RNF6: variants seen among roughly 807,000 people sequenced by gnomAD.
The protein encoded by RNF6 is ring finger protein 6.
In RNF6, 21 loss-of-function variants were observed where a neutral mutation model predicts 50.1. That is an observed-to-expected ratio of 0.42 (90% CI 0.30 to 0.60). The LOEUF (loss-of-function observed/expected upper bound fraction) is 0.60, where lower values mean the gene tolerates loss of function less well. Ranked by LOEUF, RNF6 falls within the 20% of genes least tolerant of loss-of-function variation. The pLI is 0.20. For synonymous variants in RNF6, 255 were observed against 291.8 expected, an observed-to-expected ratio of 0.87 and a Z score of 1.29; for missense variants, 698 against 838.2, an observed-to-expected ratio of 0.83 and a Z score of 2.07.
At chr13:26,135,736 T>G (rs901979408) in intron 5 of RNF6, 2 of 152,222 alleles carry the variant, frequency 1.3e-5, no homozygotes, top group Admixed American at 1.3e-4. Flanking sequence ...CCACCAATGT[T>G]GGTGGTAGGC....
At chr13:26,218,121 A>G (rs945029087) in intron 4 of RNF6, among the ~76,000 whole-genome samples, 1 of 152,216 alleles carries the variant, frequency 6.6e-6, no homozygotes, top group Non-Finnish European at 1.5e-5. Context: ...AAACCATCAA[A>G]CAGAACAAAG....
At chr13:26,152,373 G>A (rs1265254764) in intron 5 of RNF6, among the ~76,000 whole-genome samples, 5 of 152,146 alleles carry the variant, frequency 3.3e-5, no homozygotes, top group East Asian at 1.9e-4. Flanking sequence ...TTGGTCCATC[G>A]GATTACGTTT....
At chr13:26,172,042 T>A (rs12857368) in intron 5 of RNF6, among the ~76,000 whole-genome samples, 113,283 of 152,144 alleles carry the variant, frequency 0.74, 42,450 homozygotes, top group East Asian at 0.8. Flanking sequence ...TAGTATATTT[T>A]AAAATGATTA....
chr13:26,185,889 C>T (rs562083461), intron 5 of RNF6, among the ~76,000 whole-genome samples: 95 of 152,270 alleles, frequency 6.2e-4, no homozygotes, highest in African/African-American at 2.1e-3. Context: ...TCCTTCCTCC[C>T]TCACATTCAA....
In RNF6 at chr13:26,168,336, A is replaced by G. The variant is rs189745451; in HGVS notation, n.769-35885T>C. On this transcript the variant is annotated intron_variant and non_coding_transcript_variant, in intron 5 of 5. Coordinates refer to the RNF6 transcript ENST00000468480. ...GAGAGCAGAGCCCACTCAGGCAGAC[A>G]GGCCCTTCTGCGTGAGATAAAAACA... Among the ~76,000 whole-genome samples the G allele has an allele frequency of 2.6e-5, 4 of 152,358 alleles. No homozygotes were observed. In the South Asian group the frequency reaches 8.3e-4, roughly 32 times the overall value.
chr13:26,170,454 G>A (rs1009839145), intron 5 of RNF6, among the ~76,000 whole-genome samples: 1 of 150,674 alleles, frequency 6.6e-6, no homozygotes, highest in African/African-American at 2.4e-5. Flanking sequence ...TCCGTTTTGT[G>A]CAGCTATTTC....
chr13:26,204,098 T>C (rs1869001612), intron 5 of RNF6, among the ~76,000 whole-genome samples: 1 of 152,166 alleles, frequency 6.6e-6, no homozygotes, highest in South Asian at 2.1e-4. Context: ...TCCCTCCGCC[T>C]TTATCGTCAA....
chr13:26,133,277 A>T (rs1870482985), intron 5 of RNF6, among the ~76,000 whole-genome samples: 2 of 152,138 alleles, frequency 1.3e-5, no homozygotes. Flanking sequence ...ATTTTCTGAA[A>T]TTTATTTTCA....
At chr13:26,165,720 G>A (rs1040227890) in intron 5 of RNF6, among the ~76,000 whole-genome samples, 1 of 152,190 alleles carries the variant, frequency 6.6e-6, no homozygotes, top group African/African-American at 2.4e-5. Context: ...GGACTTGCAT[G>A]GGGCCTGTAG....
chr13:26,191,467 A>C (rs757269516), intron 5 of RNF6, among the ~76,000 whole-genome samples: 11 of 152,128 alleles, frequency 7.2e-5, no homozygotes, highest in Admixed American at 1.3e-4. Flanking sequence ...CCCAAATCTC[A>C]TCTCAAATTG....
At chr13:26,216,446 T>TATCTAGTATAA (rs1408536925) in intron 4 of RNF6, among the ~76,000 whole-genome samples, 1 of 152,170 alleles carries the variant, frequency 6.6e-6, no homozygotes, top group Non-Finnish European at 1.5e-5. Context: ...TCTACAGCAG[T>TATCTAGTATAA]ATCTAGTATA....
In RNF6 at chr13:26,215,098, A is replaced by C. The variant is rs778176510; in HGVS notation, c.784T>G (p.Ser262Ala). ...RTNFSSHTNQ[S>A]GGSELRQREG... ...CTTTGCCTGAGTTCACTACCACCTGATTGGTTTGTGTGACTACTGAAATTA... is the reference window on the plus strand; with the variant it reads ...CTTTGCCTGAGTTCACTACCACCTGCTTGGTTTGTGTGACTACTGAAATTA... Residue 262 changes from serine to alanine, a missense_variant, in exon 5 of 5, where the codon TCA becomes GCA. Transcript: ENST00000381588. 1 of 1,613,978 alleles carries C rather than the reference A, an allele frequency of 6.2e-7. No homozygotes were observed. Among genetic ancestry groups the C allele is most frequent in the Non-Finnish European group, 8.5e-7 (1 of 1,180,006 alleles).
intron 2 of RNF6, 42 bp from the exon 3 acceptor site, chr13:26,219,709 G>T: frequency 1.3e-6 from 2 of 1,516,042 alleles, no homozygotes; most frequent in East Asian, 2.3e-5. Context: ...GTTAAGTCAT[G>T]GACCACATTT....
At chr13:26,192,389 G>T (rs182226120) in intron 5 of RNF6, among the ~76,000 whole-genome samples, 85 of 152,258 alleles carry the variant, frequency 5.6e-4, no homozygotes, top group Admixed American at 2.2e-3. Context: ...GTAGGCAAAA[G>T]AAAAAGAGGA....
intron 5 of RNF6, among the ~76,000 whole-genome samples, chr13:26,148,682 T>C (rs1465889410): frequency 9.0e-6 from 1 of 110,532 alleles, no homozygotes; most frequent in Non-Finnish European, 1.9e-5. Context: ...GAGGGAGATA[T>C]ATATGTGTAA....
chr13:26,137,812 C>T (rs1870730807), intron 5 of RNF6, among the ~76,000 whole-genome samples: 1 of 151,826 alleles, frequency 6.6e-6, no homozygotes, highest in Admixed American at 6.6e-5. Context: ...TGTGAAACAG[C>T]ATGCATAAAA....
chr13:26,221,538 C>G (rs1229881955), intron 1 of RNF6: 1 of 152,252 alleles, frequency 6.6e-6, no homozygotes, highest in Admixed American at 6.5e-5. Context: ...TTAGGCCTTT[C>G]GTCCTACACT....
At chr13:26,198,153 T>C (rs532384528) in intron 5 of RNF6, among the ~76,000 whole-genome samples, 37 of 151,542 alleles carry the variant, frequency 2.4e-4, no homozygotes, top group Non-Finnish European at 3.5e-4. Flanking sequence ...TACACACACA[T>C]ATATATATGA....
At chr13:26,143,299 T>C (rs1374931473) in intron 5 of RNF6, among the ~76,000 whole-genome samples, 5 of 152,146 alleles carry the variant, frequency 3.3e-5, no homozygotes, top group African/African-American at 7.2e-5. Flanking sequence ...ATCTACACTG[T>C]GAAGGAATAG....
Sources: gnomAD v4.1 joint callset for allele counts (sites outside exome capture counted in the v4.1 genomes callset) on GRCh38, gnomAD v4.1.1 for gene constraint, MANE v1.5 for transcripts, NCBI Gene and HGNC (gene_info 2026-07-23, HGNC 2026-07-21) for gene names.